The following PHC3 variants were observed in gnomAD, a reference collection of about 807,000 sequenced individuals.
PHC3 encodes polyhomeotic homolog 3, also known as polyhomeotic-like protein 3.
A neutral mutation model predicts 107.4 loss-of-function variants in PHC3; 13 were observed. The observed-to-expected ratio is 0.12, with a 90% CI of 0.08 to 0.19. The LOEUF is 0.19. Ranked by LOEUF, PHC3 falls within the 10% of genes least tolerant of loss-of-function variation. PHC3 has a pLI of 1.00. For synonymous variants in PHC3, 456 were observed against 427.4 expected, an observed-to-expected ratio of 1.07 and a Z score of -0.83; for missense variants, 992 against 1,210.9, an observed-to-expected ratio of 0.82 and a Z score of 2.68.
intron 12 of PHC3, 63 bp from the exon 13 acceptor site, chr3:170,102,997 T>C: frequency 6.7e-7 from 1 of 1,499,398 alleles, no homozygotes. Flanking sequence ...TAGTATTTAA[T>C]TGTGACTTTA....
At chr3:170,169,733 T>C (rs1577257928) in intron 4 of PHC3, 1 of 152,210 alleles carries the variant, frequency 6.6e-6, no homozygotes, top group East Asian at 1.9e-4. Flanking sequence ...TTTAAAAAGA[T>C]ACCTTTTAAT....
rs1461663420 is a variant in PHC3, at chr3:170,111,301, GGAAGGAAGGAAGGAAGGAACGAAC to G, written c.2353+2035_2353+2058del. On this transcript the variant is annotated intron_variant, in intron 11 of 14. Coordinates refer to ENST00000495893, the MANE Select transcript of PHC3 (RefSeq NM_024947.4). ...AGGAAGGAAGGAAGGAAGGAAGGAA[GGAAGGAAGGAAGGAAGGAACGAAC>G]GAACGAAAGAACAAAAGAACGGAAA... 8.4e-3 allele frequency among the ~76,000 whole-genome samples: 1,102 copies of G among 131,032 alleles called. 18 individuals carry two copies. The highest frequency in any genetic ancestry group is 0.035 in the African/African-American group (1,047 of 30,330). The allele number at this position is 131,032 out of a possible 152,430, so 86.0% of individuals were successfully genotyped here.
chr3:170,108,314 A>G (rs2108306258), intron 11 of PHC3, among the ~76,000 whole-genome samples: 1 of 152,316 alleles, frequency 6.6e-6, no homozygotes, highest in East Asian at 1.9e-4. Context: ...GTACTCAGTG[A>G]GCTCAGGTAC....
chr3:170,168,274 C>T (rs965165577), intron 4 of PHC3, among the ~76,000 whole-genome samples: 1 of 152,114 alleles, frequency 6.6e-6, no homozygotes, highest in Non-Finnish European at 1.5e-5. Context: ...AAATATTACC[C>T]ATTTATGCAA....
chr3:170,172,732 C>T lies in PHC3; in HGVS notation c.181-20G>A. 1.3e-6 allele frequency: 2 copies of T among 1,573,430 alleles called. No individual in the cohort carries two copies. Among genetic ancestry groups the T allele is most frequent in the Middle Eastern group, 1.8e-4 (1 of 5,626 alleles). ...AATTACCTGTGATAAGTCAATTGAA[C>T]CAATGTCAAACCATAATCTCAACCT... On this transcript the variant is annotated intron_variant, in intron 2 of 14. Transcript: ENST00000495893.
At chr3:170,124,098 T>C (rs1286783547) in intron 8 of PHC3, among the ~76,000 whole-genome samples, 2 of 152,134 alleles carry the variant, frequency 1.3e-5, no homozygotes, top group African/African-American at 4.8e-5. Context: ...TCCACCTGCC[T>C]TGGCCTCCCA....
In PHC3 at chr3:170,102,568, G is replaced by A. The variant is rs765721043; in HGVS notation, c.2744C>T (p.Pro915Leu). 5 of 1,613,834 alleles carry A rather than the reference G, an allele frequency of 3.1e-6. No individual in the cohort carries two copies. The highest frequency in any genetic ancestry group is 3.4e-6 in the Non-Finnish European group (4 of 1,179,838). ...ELRDVRIRKM[P>L]ENSDLLPVAQ... ...AACTGGTAGCAAGTCACTGTTCTCA[G>A]GCATTTTCCGAATTCTCACATCCCG... The change falls in exon 14 of 15, where the codon CCT becomes CTT. Residue 915 changes from proline (P) to leucine (L), a missense_variant. By Grantham distance (98) the Pro-to-Leu change is moderately conservative. This residue lies in a region of PHC3 where 228 missense variants were observed against 288.8 expected (regional missense o/e 0.79). Transcript: ENST00000495893.
intron 9 of PHC3, 68 bp from the exon 10 acceptor site, chr3:170,117,544 T>C (rs964057123): frequency 2.0e-6 from 3 of 1,475,542 alleles, no homozygotes; most frequent in Non-Finnish European, 2.7e-6. Context: ...TGAAAGAGAA[T>C]TAAGGAATAA....
At chr3:170,127,978 C>T (rs1721629604) in intron 8 of PHC3, among the ~76,000 whole-genome samples, 1 of 151,944 alleles carries the variant, frequency 6.6e-6, no homozygotes, top group Admixed American at 6.6e-5. Context: ...TTTTTTCATC[C>T]TCAGTATTAA....
chr3:170,156,254 T>A (rs1013713253), intron 4 of PHC3, among the ~76,000 whole-genome samples: 1 of 152,000 alleles, frequency 6.6e-6, no homozygotes, highest in Non-Finnish European at 1.5e-5. Context: ...TCCGGCCCTA[T>A]GCAGAATTTT....
chr3:170,167,632 T>C (rs1728933862), intron 4 of PHC3, among the ~76,000 whole-genome samples: 1 of 151,984 alleles, frequency 6.6e-6, no homozygotes, highest in Non-Finnish European at 1.5e-5. Context: ...TGGTGGCGTA[T>C]GCCTGTAGTC....
intron 4 of PHC3, among the ~76,000 whole-genome samples, chr3:170,156,513 A>G (rs1726924496): frequency 6.6e-6 from 1 of 152,154 alleles, no homozygotes; most frequent in African/African-American, 2.4e-5. Context: ...CGGCCTCCCA[A>G]AATGTTGGGA....
At chr3:170,103,972 A>G (rs1040250544) in intron 12 of PHC3, among the ~76,000 whole-genome samples, 1 of 152,224 alleles carries the variant, frequency 6.6e-6, no homozygotes. Flanking sequence ...TAGAAGGCTA[A>G]GGTGGGTGGA....
At chr3:170,129,606 T>TA (rs1721919330) in intron 7 of PHC3, 54 bp from the exon 8 acceptor site, 15 of 1,465,402 alleles carry the variant, frequency 1.0e-5, no homozygotes, top group Non-Finnish European at 1.4e-5. Flanking sequence ...CAGAAATTTT[T>TA]AAATCACTCT....
chr3:170,108,122 T>C lies in PHC3; in HGVS notation c.2354-1176A>G, dbSNP rs143355307. On this transcript the variant is annotated intron_variant, in intron 11 of 14. Coordinates refer to ENST00000495893, the MANE Select transcript of PHC3 (RefSeq NM_024947.4). ...AATCAACCACATTTTGCCATTTTCTTGCATCATCATAATTCCTCTGCCAAG... is the reference window on the plus strand; with the variant it reads ...AATCAACCACATTTTGCCATTTTCTCGCATCATCATAATTCCTCTGCCAAG... Among the ~76,000 whole-genome samples the C allele has an allele frequency of 4.8e-3, 731 of 152,286 alleles. 5 individuals are homozygous for C. Among genetic ancestry groups the C allele is most frequent in the African/African-American group, 0.017 (699 of 41,560 alleles).
rs921165541 is a variant in PHC3, at chr3:170,174,172, G to A, written c.181-1460C>T. 2.6e-5 allele frequency among the ~76,000 whole-genome samples: 4 copies of A among 151,788 alleles called. No homozygotes were observed. In the East Asian group the frequency reaches 5.8e-4, roughly 22 times the overall value. On this transcript the variant is annotated intron_variant, in intron 2 of 14. Transcript: ENST00000495893. ...CATGCCACTGCACTCCAGCCTAGAC[G>A]ACAGAGCAAGACCCCATCTCAAAAA...
chr3:170,172,298 T>C (rs1034967609), intron 3 of PHC3, among the ~76,000 whole-genome samples: 5 of 152,206 alleles, frequency 3.3e-5, no homozygotes, highest in Admixed American at 1.3e-4. Flanking sequence ...CCTAGAACTT[T>C]ATACACATAA....
chr3:170,148,445 G>A (rs1725366161), intron 5 of PHC3: 1 of 152,130 alleles, frequency 6.6e-6, no homozygotes, highest in Admixed American at 6.5e-5. Context: ...CCTTAAAGAA[G>A]CTCAACAATT....
In PHC3 at chr3:170,088,627, A is replaced by C. The variant is rs1260151762; in HGVS notation, c.*8603T>G. ...CATTCAGTTGACTTTTTAAAATTTA[A>C]GAATACATATACAAAAAGTACTTAT... is the stretch of plus-strand genomic sequence containing the variant. On this transcript the variant is annotated 3_prime_UTR_variant, in exon 15 of 15. Transcript: ENST00000495893. 1 of 152,222 alleles carries C rather than the reference A, an allele frequency of 6.6e-6. No individual in the cohort carries two copies. The highest frequency in any genetic ancestry group is 1.9e-4 in the East Asian group (1 of 5,206). The allele number at this position is 152,222 out of a possible 1,614,324, so 9.4% of individuals were successfully genotyped here. A position where few individuals can be genotyped will look rare whatever the true frequency, so the allele number is the denominator to read the frequency against.
Sources: allele counts gnomAD v4.1 joint callset (sites outside exome capture counted in the v4.1 genomes callset), GRCh38; gene constraint gnomAD v4.1.1; regional missense constraint gnomAD v4.1.1; transcripts MANE v1.5; gene names NCBI Gene and HGNC (gene_info 2026-07-23, HGNC 2026-07-21).